Variants in ARHGAP35 observed in about 807,000 individuals in gnomAD.
ARHGAP35 encodes the protein rho GTPase-activating protein 35.
ARHGAP35 carries 15 observed loss-of-function variants against 111.1 expected under a neutral mutation model. That is an observed-to-expected ratio of 0.13 (90% CI 0.09 to 0.21). The LOEUF is 0.21. Among genes scored for constraint, ARHGAP35 ranks in the 10% least tolerant of loss-of-function variants. The probability of loss-of-function intolerance (pLI) is 1.00; values close to 1 mark genes in which losing one functional copy is unlikely to be tolerated. For synonymous variants in ARHGAP35, 643 were observed against 710.3 expected, an observed-to-expected ratio of 0.91 and a Z score of 1.51; for missense variants, 1,262 against 1,873.0, an observed-to-expected ratio of 0.67 and a Z score of 6.02.
Position 46,919,554 on chromosome 19 carries a change from G to A in ARHGAP35, c.879G>A (p.Leu293=). 3 of 1,613,946 alleles carry A rather than the reference G, an allele frequency of 1.9e-6. No homozygotes were observed. Among genetic ancestry groups the A allele is most frequent in the African/African-American group, 2.7e-5 (2 of 75,042 alleles). The change falls in exon 2 of 7, where the codon CTG becomes CTA. Residue 293 remains leucine (L), a synonymous_variant. Transcript: ENST00000672722. The surrounding 1 kb of genome is among the most constrained non-coding windows in gnomAD (Gnocchi z 6.2). ...RIVKNHNENW[L]SVSRKMQASP... Reference sequence around the variant, plus strand: ...TGAAAAACCACAATGAGAACTGGCTGAGTGTCAGCCGAAAGATGCAGGCCT... The same window carrying A: ...TGAAAAACCACAATGAGAACTGGCTAAGTGTCAGCCGAAAGATGCAGGCCT...
chr19:46,989,578 G>A lies in ARHGAP35; in HGVS notation c.3939G>A (p.Thr1313=), dbSNP rs371043089. The part of the protein sequence containing the change: ...HNLDLAEKDF[T]VNTVAGAMKS... ...TGGACCTGGCAGAGAAAGACTTTAC[G>A]GTGAATACCGTGGCTGGTGCCATGA... The change falls in exon 5 of 7, where the codon ACG becomes ACA. Residue 1313 remains threonine, a synonymous_variant. Transcript: ENST00000672722. This position sits in a 1 kb window ranked among gnomAD's most constrained non-coding sequence, Gnocchi z 5.3. 63 of 1,613,794 alleles carry A rather than the reference G, an allele frequency of 3.9e-5. No individual in the cohort carries two copies. Among genetic ancestry groups the A allele is most frequent in the South Asian group, 3.2e-4 (29 of 91,064 alleles).
At chr19:46,872,306 G>T (rs1044936218) in intron 1 of ARHGAP35, among the ~76,000 whole-genome samples, 1 of 152,014 alleles carries the variant, frequency 6.6e-6, no homozygotes, top group Non-Finnish European at 1.5e-5. Flanking sequence ...ATATGCTGAA[G>T]TGTTATTAGT....
At chr19:46,974,376 A>G (rs1476284887) in intron 3 of ARHGAP35, among the ~76,000 whole-genome samples, 3 of 152,222 alleles carry the variant, frequency 2.0e-5, no homozygotes, top group African/African-American at 7.2e-5. Context: ...ACTTGCCTTC[A>G]AAGTCTGGCG....
chr19:46,892,492 G>T (rs868463114), intron 1 of ARHGAP35, among the ~76,000 whole-genome samples: 7 of 148,660 alleles, frequency 4.7e-5, no homozygotes, highest in African/African-American at 9.9e-5. Context: ...AAAAAAAATT[G>T]GTTAATGGAC....
At chr19:46,941,700 C>T (rs1157250120) in intron 3 of ARHGAP35, among the ~76,000 whole-genome samples, 1 of 151,174 alleles carries the variant, frequency 6.6e-6, no homozygotes, top group East Asian at 2.0e-4. Context: ...ACTGGGACTA[C>T]AGGCATGTGC....
At chr19:46,948,713 C>G (rs2056395017) in intron 3 of ARHGAP35, 1 of 152,176 alleles carries the variant, frequency 6.6e-6, no homozygotes, top group South Asian at 2.1e-4. Flanking sequence ...GGAAAATGCA[C>G]ACTAACCTAC....
At position 47,001,170 on chromosome 19, in the gene ARHGAP35, C is replaced by T. The variant is rs956142271; in HGVS notation, c.*482C>T. ...TGCACACACCCCCAAGGTAAGGGTA[C>T]AGCCCGGCTGGCGGCCTCCTTGGGA... On this transcript the variant is annotated 3_prime_UTR_variant, in exon 7 of 7. Transcript: ENST00000672722. This position sits in a 1 kb window ranked among gnomAD's most constrained non-coding sequence, Gnocchi z 5.4. 8.1e-7 allele frequency: 1 copy of T among 1,237,544 alleles called. No individual in the cohort carries two copies. 76.7% of individuals were successfully genotyped at this position (1,237,544 alleles called of 1,614,324 possible). A position where few individuals can be genotyped will look rare whatever the true frequency, so the allele number is the denominator to read the frequency against.
chr19:46,975,832 C>T (rs536398982), intron 3 of ARHGAP35, among the ~76,000 whole-genome samples: 13 of 152,170 alleles, frequency 8.5e-5, no homozygotes, highest in Non-Finnish European at 1.2e-4. Context: ...GTTCCTAGAG[C>T]TATCATGAAG....
chr19:46,913,913 G>GTGAA (rs2056151232), intron 1 of ARHGAP35, among the ~76,000 whole-genome samples: 1 of 152,154 alleles, frequency 6.6e-6, no homozygotes, highest in Admixed American at 6.5e-5. Context: ...TAAAGACATT[G>GTGAA]TGAAGTCTGG....
intron 3 of ARHGAP35, among the ~76,000 whole-genome samples, chr19:46,970,945 G>A (rs182060891): frequency 6.6e-6 from 1 of 152,180 alleles, no homozygotes; most frequent in Non-Finnish European, 1.5e-5. Context: ...CCTCTAGCTT[G>A]ACTGTGCCCA....
At chr19:46,924,111 C>T (rs1184134254) in intron 2 of ARHGAP35, among the ~76,000 whole-genome samples, 2 of 152,064 alleles carry the variant, frequency 1.3e-5, no homozygotes, top group Non-Finnish European at 2.9e-5. Flanking sequence ...CATGAAAGAA[C>T]AGAGAACAGA....
At chr19:46,941,876 T>A (rs1273139309) in intron 3 of ARHGAP35, among the ~76,000 whole-genome samples, 5 of 94,538 alleles carry the variant, frequency 5.3e-5, no homozygotes, top group Admixed American at 3.7e-4. Flanking sequence ...CCTGTCTCTT[T>A]AAAAAAAAAA....
chr19:46,905,725 T>C (rs1401662701), intron 1 of ARHGAP35, among the ~76,000 whole-genome samples: 1 of 152,192 alleles, frequency 6.6e-6, no homozygotes, highest in Non-Finnish European at 1.5e-5. Context: ...AATTTTTTTG[T>C]ATTTTTAGTA....
In ARHGAP35 at chr19:46,988,636, C is replaced by T. The variant is rs1458825953; in HGVS notation, c.3904+570C>T. The T allele has an allele frequency of 1.3e-5, 2 of 155,104 alleles. No homozygotes were observed. Among genetic ancestry groups the T allele is most frequent in the African/African-American group, 4.8e-5 (2 of 41,476 alleles). The allele number at this position is 155,104 out of a possible 1,614,324, so 9.6% of individuals were successfully genotyped here. A position where few individuals can be genotyped will look rare whatever the true frequency, so the allele number is the denominator to read the frequency against. ...CCAAACTACCTCTTGGAATTGCCCA[C>T]ACTGTGGGATGAGAAGCCACGTCCC... On this transcript the variant is annotated intron_variant, in intron 4 of 6. Coordinates refer to ENST00000672722, the MANE Select transcript of ARHGAP35 (RefSeq NM_004491.5). This position sits in a 1 kb window ranked among gnomAD's most constrained non-coding sequence, Gnocchi z 5.4.
rs2056696941 is a variant in ARHGAP35 at position 46,994,590 on chromosome 19, G to A, written c.4037-4714G>A. On this transcript the variant is annotated intron_variant, in intron 5 of 6. Coordinates refer to ENST00000672722, the MANE Select transcript of ARHGAP35 (RefSeq NM_004491.5). The surrounding 1 kb of genome is among the most constrained non-coding windows in gnomAD (Gnocchi z 5.4). ...GCCAGAGGCGCCGTGAACTCGCCGG[G>A]GATGAGGATGGTGGTCAGGAGGGGA... Among the ~76,000 whole-genome samples, 1 of 152,282 alleles carries A rather than the reference G, an allele frequency of 6.6e-6. No individual in the cohort carries two copies. Among genetic ancestry groups the A allele is most frequent in the South Asian group, 2.1e-4 (1 of 4,828 alleles).
At chr19:46,996,647 G>A (rs1223124978) in intron 5 of ARHGAP35, among the ~76,000 whole-genome samples, 4 of 152,174 alleles carry the variant, frequency 2.6e-5, no homozygotes, top group South Asian at 2.1e-4. Flanking sequence ...TGTTTGGGTC[G>A]TGCAGGCACC....
At chr19:46,981,916 T>C (rs926201362) in intron 3 of ARHGAP35, among the ~76,000 whole-genome samples, 6 of 152,170 alleles carry the variant, frequency 3.9e-5, no homozygotes, top group Admixed American at 2.6e-4. Flanking sequence ...TGCAGTGTTA[T>C]GGACATGGCT....
intron 1 of ARHGAP35, among the ~76,000 whole-genome samples, chr19:46,870,756 G>C (rs943988576): frequency 6.6e-5 from 10 of 152,014 alleles, no homozygotes; most frequent in African/African-American, 2.4e-4. Flanking sequence ...AAAAATGGCA[G>C]CCTTAGCTAA....
rs778967636 is a variant in ARHGAP35, at chr19:46,922,248, G to A, written c.3573G>A (p.Glu1191=). The A allele has an allele frequency of 2.5e-6, 4 of 1,613,982 alleles. No homozygotes were observed. The highest frequency in any genetic ancestry group is 3.4e-6 in the Non-Finnish European group (4 of 1,179,894). The change falls in exon 2 of 7, where the codon GAG becomes GAA. Residue 1191 remains glutamate (E), a synonymous_variant. Transcript: ENST00000672722. This position sits in a 1 kb window ranked among gnomAD's most constrained non-coding sequence, Gnocchi z 4.0. ...DELGPIRKKE[E]DQASQGYKGD... ...TGGGGCCCATCCGGAAGAAAGAGGA[G>A]GATCAGGCATCCCAGGGTTATAAAG...
Sources: allele counts gnomAD v4.1 joint callset (sites outside exome capture counted in the v4.1 genomes callset), GRCh38; gene constraint gnomAD v4.1.1; non-coding constraint Gnocchi (gnomAD v3.1); transcripts MANE v1.5; gene names NCBI Gene and HGNC (gene_info 2026-07-23, HGNC 2026-07-21).